Variants in FAF1 observed in about 807,000 individuals in gnomAD.
The protein encoded by FAF1 is FAS-associated factor 1.
Under a neutral mutation model 92.5 loss-of-function variants are expected in FAF1, and 25 were observed. The ratio of observed to expected loss-of-function variants is 0.27; its 90% CI spans 0.20 to 0.38. The LOEUF is 0.38. Ranked by LOEUF, FAF1 falls within the 10% of genes least tolerant of loss-of-function variation. The pLI, the probability that FAF1 is intolerant of heterozygous loss-of-function variation, is 1.00. For missense variants in FAF1, 636 were observed against 793.3 expected (o/e 0.80, Z 2.38); for synonymous variants, 234 against 273.2 (o/e 0.86, Z 1.42).
chr1:50,509,927 G>GGA (rs1461224812), intron 15 of FAF1, among the ~76,000 whole-genome samples: 1 of 152,042 alleles, frequency 6.6e-6, no homozygotes, highest in African/African-American at 2.4e-5. Flanking sequence ...CAGCACTTTG[G>GGA]GAGGACGAGT....
chr1:50,657,755 G>A (rs1655190531), intron 7 of FAF1, among the ~76,000 whole-genome samples: 1 of 152,098 alleles, frequency 6.6e-6, no homozygotes, highest in Non-Finnish European at 1.5e-5. Context: ...GTTCACTACG[G>A]AAAGGAGAAA....
intron 15 of FAF1, among the ~76,000 whole-genome samples, chr1:50,530,238 GGT>G (rs72220248): frequency 0.054 from 7,606 of 141,426 alleles, 217 homozygotes; most frequent in Middle Eastern, 0.074. Flanking sequence ...TTTAAGAAGT[GGT>G]GTGTGTGTGT....
At chr1:50,669,624 A>G (rs1400430159) in intron 7 of FAF1, among the ~76,000 whole-genome samples, 1 of 152,246 alleles carries the variant, frequency 6.6e-6, no homozygotes, top group Non-Finnish European at 1.5e-5. Flanking sequence ...GACATATGAA[A>G]CTGCATTATC....
intron 3 of FAF1, among the ~76,000 whole-genome samples, chr1:50,788,475 T>G (rs1661443088): frequency 6.6e-6 from 1 of 152,238 alleles, no homozygotes; most frequent in Admixed American, 6.5e-5. Context: ...CTTGTGTTGT[T>G]ATAATATTGG....
intron 15 of FAF1, among the ~76,000 whole-genome samples, chr1:50,493,828 CT>C (rs1646869029): frequency 6.6e-6 from 1 of 152,204 alleles, no homozygotes; most frequent in Non-Finnish European, 1.5e-5. Context: ...CTGAAATTGA[CT>C]GGCTGGGCAG....
intron 1 of FAF1, among the ~76,000 whole-genome samples, chr1:50,877,954 G>A (rs1236979218): frequency 2.0e-5 from 3 of 152,180 alleles, no homozygotes; most frequent in Non-Finnish European, 4.4e-5. Context: ...CCTAGCAGCT[G>A]CTGAAACAAC....
At chr1:50,658,279 C>A (rs900258348) in intron 7 of FAF1, among the ~76,000 whole-genome samples, 1 of 151,606 alleles carries the variant, frequency 6.6e-6, no homozygotes, top group Non-Finnish European at 1.5e-5. Context: ...ATATAACCAA[C>A]CTTATCAGCT....
At chr1:50,957,283 T>G (rs988211356) in intron 1 of FAF1, among the ~76,000 whole-genome samples, 1 of 152,012 alleles carries the variant, frequency 6.6e-6, no homozygotes, top group Non-Finnish European at 1.5e-5. Flanking sequence ...GTGTATAGCA[T>G]TACCATTGGT....
chr1:50,890,338 A>C (rs1275242063), intron 1 of FAF1, among the ~76,000 whole-genome samples: 2 of 152,166 alleles, frequency 1.3e-5, no homozygotes, highest in Non-Finnish European at 2.9e-5. Context: ...GTGTCTTTTA[A>C]TTGGAGCATT....
chr1:50,905,334 C>T lies in FAF1; in HGVS notation c.46-47337G>A, dbSNP rs144288794. On this transcript the variant is annotated intron_variant, in intron 1 of 18. Transcript: ENST00000396153. ...CAAGTCTTTGCTATTGTGAATAGTG[C>T]CGCAATAAACATGTGTGCATGTGTC... 7.1e-3 allele frequency among the ~76,000 whole-genome samples: 1,075 copies of T among 152,232 alleles called. 13 individuals are homozygous for T. Among genetic ancestry groups the T allele is most frequent in the African/African-American group, 0.024 (1,008 of 41,522 alleles).
chr1:50,942,505 T>C (rs1401733090), intron 1 of FAF1, among the ~76,000 whole-genome samples: 14 of 152,088 alleles, frequency 9.2e-5, no homozygotes, highest in Admixed American at 8.5e-4. Context: ...AAATGTTCAG[T>C]AAATGTTAGT....
chr1:50,717,046 A>C (rs1312181442), intron 6 of FAF1, among the ~76,000 whole-genome samples: 1 of 152,114 alleles, frequency 6.6e-6, no homozygotes, highest in Non-Finnish European at 1.5e-5. Flanking sequence ...TACACATCTG[A>C]AGGAACAAAC....
Position 50,438,198 on chromosome 1 carries a change from C to T in FAF1, c.*3242G>A, listed in dbSNP as rs1646143100. The T allele has an allele frequency of 6.6e-6, 1 of 152,102 alleles. No homozygotes were observed. Among genetic ancestry groups the T allele is most frequent in the Admixed American group, 6.6e-5 (1 of 15,262 alleles). 9.4% of individuals were successfully genotyped at this position (152,102 alleles called of 1,614,324 possible). ...GGAATCATCATCTCTGCCCTGCTTC[C>T]CTCATAGCGGGAGACTATTATGATG... On this transcript the variant is annotated 3_prime_UTR_variant, in exon 19 of 19. Transcript: ENST00000396153.
chr1:50,758,146 G>A (rs1660154866), intron 4 of FAF1, among the ~76,000 whole-genome samples: 1 of 152,204 alleles, frequency 6.6e-6, no homozygotes, highest in South Asian at 2.1e-4. Flanking sequence ...TCAAACTCCT[G>A]ACCTCAAGTG....
At chr1:50,484,145 T>C (rs982218055) in intron 17 of FAF1, among the ~76,000 whole-genome samples, 19 of 152,216 alleles carry the variant, frequency 1.2e-4, no homozygotes, top group African/African-American at 4.1e-4. Flanking sequence ...ATGGATCCCA[T>C]ATAGAGACAG....
chr1:50,900,201 A>G (rs983313359), intron 1 of FAF1, among the ~76,000 whole-genome samples: 1 of 152,196 alleles, frequency 6.6e-6, no homozygotes, highest in Non-Finnish European at 1.5e-5. Flanking sequence ...ATTAAAGCCT[A>G]CCTAAACACT....
intron 9 of FAF1, among the ~76,000 whole-genome samples, chr1:50,592,851 T>C (rs1651586786): frequency 6.6e-6 from 1 of 151,852 alleles, no homozygotes; most frequent in Non-Finnish European, 1.5e-5. Context: ...GGCACGAGAA[T>C]TGCTTGAACC....
At chr1:50,913,104 A>G (rs549227621) in intron 1 of FAF1, among the ~76,000 whole-genome samples, 78 of 152,268 alleles carry the variant, frequency 5.1e-4, no homozygotes, top group South Asian at 2.9e-3. Context: ...CACTTACTAC[A>G]CAGTTTTATA....
intron 1 of FAF1, among the ~76,000 whole-genome samples, chr1:50,901,272 A>G (rs1281477779): frequency 1.3e-5 from 2 of 152,316 alleles, no homozygotes; most frequent in East Asian, 1.9e-4. Context: ...AAAAAGACAG[A>G]ACCCAGGGCC....
Sources: gnomAD v4.1 joint callset for allele counts (sites outside exome capture counted in the v4.1 genomes callset) on GRCh38, gnomAD v4.1.1 for gene constraint, MANE v1.5 for transcripts, NCBI Gene and HGNC (gene_info 2026-07-23, HGNC 2026-07-21) for gene names.